The following LPAR3 variants were observed in gnomAD, a reference collection of about 807,000 sequenced individuals.
LPAR3 encodes the protein LPA receptor 3.
In LPAR3, 7 loss-of-function variants were observed where a neutral mutation model predicts 17.8. That is an observed-to-expected ratio of 0.39 (90% CI 0.22 to 0.74). LPAR3 has a LOEUF of 0.74. Ranked by LOEUF, LPAR3 falls within the 30% of genes least tolerant of loss-of-function variation. LPAR3 has a pLI of 0.40. For synonymous variants in LPAR3, 179 were observed against 179.9 expected, an observed-to-expected ratio of 0.99 and a Z score of 0.04; for missense variants, 391 against 453.4, an observed-to-expected ratio of 0.86 and a Z score of 1.25.
intron 1 of LPAR3, among the ~76,000 whole-genome samples, chr1:84,873,507 G>T (rs1004831894): frequency 6.6e-6 from 1 of 152,162 alleles, no homozygotes; most frequent in Non-Finnish European, 1.5e-5. Context: ...ATAAACAGAG[G>T]AGTGGCAATT....
At chr1:84,815,294 T>A (rs1658911905) in intron 2 of LPAR3, among the ~76,000 whole-genome samples, 1 of 152,212 alleles carries the variant, frequency 6.6e-6, no homozygotes, top group Non-Finnish European at 1.5e-5. Flanking sequence ...CGAATGTCCT[T>A]GTCATTTCTA....
At chr1:84,872,975 C>A (rs1210254038) in intron 1 of LPAR3, among the ~76,000 whole-genome samples, 1 of 152,102 alleles carries the variant, frequency 6.6e-6, no homozygotes, top group Admixed American at 6.6e-5. Flanking sequence ...TAACCCCAGG[C>A]TAATCATGAG....
Position 84,846,518 on chromosome 1 carries a change from A to G in LPAR3, c.736+18867T>C, listed in dbSNP as rs547137473. On this transcript the variant is annotated intron_variant, in intron 2 of 2. Transcript: ENST00000370611. Reference sequence around the variant, plus strand: ...TTATATTTCTCTGCTTTTCTTTATGACTTTCCACATGAAGCATTCTCTAAA... The same window carrying G: ...TTATATTTCTCTGCTTTTCTTTATGGCTTTCCACATGAAGCATTCTCTAAA... Among the ~76,000 whole-genome samples, 121 of 152,186 alleles carry G rather than the reference A, an allele frequency of 8.0e-4. 1 individual carries two copies. The highest frequency in any genetic ancestry group is 1.5e-3 in the Non-Finnish European group (101 of 68,008).
intron 2 of LPAR3, among the ~76,000 whole-genome samples, chr1:84,854,880 G>C (rs1659788442): frequency 6.6e-6 from 1 of 152,238 alleles, no homozygotes; most frequent in Non-Finnish European, 1.5e-5. Context: ...AGAAGGTCCA[G>C]AGCTGCAGCC....
At chr1:84,851,272 A>C (rs4907104) in intron 2 of LPAR3, among the ~76,000 whole-genome samples, 97,550 of 152,118 alleles carry the variant, frequency 0.64, 31,485 homozygotes, top group Non-Finnish European at 0.68. Context: ...AGTGCTTCAT[A>C]AATGTCGATT....
At chr1:84,822,323 C>T (rs1197306875) in intron 2 of LPAR3, among the ~76,000 whole-genome samples, 1 of 151,966 alleles carries the variant, frequency 6.6e-6, no homozygotes, top group Non-Finnish European at 1.5e-5. Flanking sequence ...GAGAGTTGTA[C>T]TCAAAAATCA....
At chr1:84,882,708 G>T (rs1221028918) in intron 1 of LPAR3, among the ~76,000 whole-genome samples, 2 of 152,112 alleles carry the variant, frequency 1.3e-5, no homozygotes, top group Non-Finnish European at 2.9e-5. Flanking sequence ...CTTTGACAAG[G>T]GTGCCAAGAA....
At position 84,847,286 on chromosome 1, in the gene LPAR3, C is replaced by CAG. The variant is rs567496872; in HGVS notation, c.736+18097_736+18098dup. The stretch of plus-strand genomic sequence containing the variant: ...TGTTTGTGCCTGGGGTAAGGGCCTT[C>CAG]AGAATACCTCAGTTGTTTCTTCAAA... On this transcript the variant is annotated intron_variant, in intron 2 of 2. Coordinates refer to ENST00000370611, the MANE Select transcript of LPAR3 (RefSeq NM_012152.3). Among the ~76,000 whole-genome samples the CAG allele has an allele frequency of 3.0e-3, 464 of 152,302 alleles. 2 individuals carry two copies. Among genetic ancestry groups the CAG allele is most frequent in the Non-Finnish European group, 3.7e-3 (253 of 68,026 alleles).
intron 2 of LPAR3, among the ~76,000 whole-genome samples, chr1:84,835,920 A>G (rs912658994): frequency 3.3e-5 from 5 of 150,884 alleles, no homozygotes; most frequent in Non-Finnish European, 5.9e-5. Context: ...TTATTTAACT[A>G]GCAACCTTAT....
intron 1 of LPAR3, among the ~76,000 whole-genome samples, chr1:84,874,183 T>C (rs1263674659): frequency 2.0e-5 from 3 of 152,260 alleles, no homozygotes; most frequent in Middle Eastern, 3.4e-3. Context: ...GAGGCAAGCG[T>C]ACAATGGGTG....
chr1:84,826,109 G>A (rs1295277476), intron 2 of LPAR3, among the ~76,000 whole-genome samples: 1 of 151,334 alleles, frequency 6.6e-6, no homozygotes, highest in Non-Finnish European at 1.5e-5. Flanking sequence ...TCTAGAGCTC[G>A]AGTTATTTTA....
intron 2 of LPAR3, among the ~76,000 whole-genome samples, chr1:84,849,975 A>C (rs1188470445): frequency 1.3e-5 from 2 of 152,138 alleles, no homozygotes. Context: ...GATCACGCAG[A>C]TCTGTGCTCA....
At chr1:84,820,935 A>T (rs555221582) in intron 2 of LPAR3, among the ~76,000 whole-genome samples, 30 of 152,072 alleles carry the variant, frequency 2.0e-4, no homozygotes, top group South Asian at 1.9e-3. Flanking sequence ...GCGATTTTTT[A>T]AAAAAAATGA....
chr1:84,814,013 C>G lies in LPAR3; in HGVS notation c.895G>C (p.Asp299His), dbSNP rs746950765. The change falls in exon 3 of 3, where the codon GAC becomes CAC. Residue 299 changes from aspartate to histidine, a missense_variant. Asp to His is a moderately conservative substitution (Grantham distance 81). Transcript: ENST00000370611. ...ATCTTCTTCATGGTGCCATACATGT[C>G]CTCGTCCTTGTAGGAGTAGATGATG... is the stretch of plus-strand genomic sequence containing the variant. ...NPIIYSYKDE[D>H]MYGTMKKMIC... 1.6e-5 allele frequency: 26 copies of G among 1,614,174 alleles called. No homozygotes were observed. Among genetic ancestry groups the G allele is most frequent in the Non-Finnish European group, 1.9e-5 (23 of 1,180,034 alleles).
chr1:84,817,291 A>ACACACACACACACACACC (rs1000146030), intron 2 of LPAR3, among the ~76,000 whole-genome samples: 1 of 144,574 alleles, frequency 6.9e-6, no homozygotes, highest in Non-Finnish European at 1.5e-5. Context: ...ACACACACAC[A>ACACACACACACACACACC]CCCCTCACTT....
intron 2 of LPAR3, among the ~76,000 whole-genome samples, chr1:84,825,336 T>C (rs1570859940): frequency 6.6e-6 from 1 of 152,312 alleles, no homozygotes; most frequent in East Asian, 1.9e-4. Flanking sequence ...TAACATGCAA[T>C]GGGCATTTGT....
chr1:84,857,851 AAC>A (rs1659858041), intron 2 of LPAR3, among the ~76,000 whole-genome samples: 2 of 152,218 alleles, frequency 1.3e-5, no homozygotes, highest in African/African-American at 2.4e-5. Flanking sequence ...ATCTGGTAAT[AAC>A]AGAACTTCCC....
chr1:84,850,393 C>CAAAAAAAAAAAAAAAAAAAAAAAA (rs561506398), intron 2 of LPAR3, among the ~76,000 whole-genome samples: 11 of 38,734 alleles, frequency 2.8e-4, no homozygotes, highest in Admixed American at 5.5e-4. Context: ...TCTGTCTCTA[C>CAAAAAAAAAAAAAAAAAAAAAAAA]AAAAAAAAAA....
intron 1 of LPAR3, among the ~76,000 whole-genome samples, chr1:84,870,133 T>C (rs1660132125): frequency 6.6e-6 from 1 of 152,226 alleles, no homozygotes; most frequent in South Asian, 2.1e-4. Context: ...TAAAATATGA[T>C]TCTGTGATTT....
Sources: gnomAD v4.1 joint callset for allele counts (sites outside exome capture counted in the v4.1 genomes callset) on GRCh38, gnomAD v4.1.1 for gene constraint, MANE v1.5 for transcripts, NCBI Gene and HGNC (gene_info 2026-07-23, HGNC 2026-07-21) for gene names.